The following PANK2 variants were observed in gnomAD, a reference collection of about 807,000 sequenced individuals.
PANK2 encodes pantothenate kinase 2, mitochondrial.
A neutral mutation model predicts 43.1 loss-of-function variants in PANK2; 36 were observed. That is an observed-to-expected ratio of 0.84 (90% CI 0.64 to 1.10). The LOEUF (loss-of-function observed/expected upper bound fraction) is 1.10. Ranked by LOEUF, PANK2 falls within the 50% of genes least tolerant of loss-of-function variation. The pLI is 0.00. For missense variants in PANK2, 576 were observed against 593.3 expected, an observed-to-expected ratio of 0.97 and a Z score of 0.30; for synonymous variants, 281 against 238.2, an observed-to-expected ratio of 1.18 and a Z score of -1.66.
intron 4 of PANK2, among the ~76,000 whole-genome samples, chr20:3,913,838 G>T (rs1447826068): frequency 2.7e-5 from 4 of 148,048 alleles, no homozygotes; most frequent in African/African-American, 1.0e-4. Context: ...GCCCAGGCTG[G>T]AGTGCAGTGG....
rs2090692394 is a variant in PANK2, at chr20:3,924,470, T to C, written c.*1176T>C. 6.6e-6 allele frequency: 1 copy of C among 152,426 alleles called. No homozygotes were observed. The allele number at this position is 152,426 out of a possible 1,614,324, so 9.4% of individuals were successfully genotyped here. A position where few individuals can be genotyped will look rare whatever the true frequency, so the allele number is the denominator to read the frequency against. The stretch of plus-strand genomic sequence containing the variant: ...CATGGAGGCAGCAGAGACACCCGTG[T>C]TCCAGCTGGGGCAAGGGGAACTGAT... On this transcript the variant is annotated 3_prime_UTR_variant, in exon 7 of 7. Transcript: ENST00000610179.
upstream of PANK2, chr20:3,889,161 T>G (rs764119764): frequency 1.9e-6 from 3 of 1,598,284 alleles, no homozygotes; most frequent in Non-Finnish European, 1.7e-6. Context: ...ATCACTCTCT[T>G]CTGGGCTACA....
chr20:3,892,230 G>A (rs758007395), intron 1 of PANK2, among the ~76,000 whole-genome samples: 3 of 152,050 alleles, frequency 2.0e-5, no homozygotes, highest in Non-Finnish European at 4.4e-5. Context: ...TGTAATCCCA[G>A]CTACTCAGGA....
At chr20:3,920,045 TTC>T (rs2090622971) in intron 6 of PANK2, among the ~76,000 whole-genome samples, 1 of 152,224 alleles carries the variant, frequency 6.6e-6, no homozygotes, top group Non-Finnish European at 1.5e-5. Flanking sequence ...GCCATTAAGT[TTC>T]TTACAGTTCA....
chr20:3,927,860 T>G lies in PANK2; in HGVS notation c.*4566T>G, dbSNP rs1346134620. Reference sequence around the variant, plus strand: ...AAGTCTGCTGACACTGGTGGGGCCCTTACAGTCACAGAAGTAAGGACTGGA... The same window carrying G: ...AAGTCTGCTGACACTGGTGGGGCCCGTACAGTCACAGAAGTAAGGACTGGA... On this transcript the variant is annotated 3_prime_UTR_variant, in exon 7 of 7. Transcript: ENST00000610179. 2 of 152,214 alleles carry G rather than the reference T, an allele frequency of 1.3e-5. No homozygotes were observed. The highest frequency in any genetic ancestry group is 2.9e-5 in the Non-Finnish European group (2 of 68,056). 9.4% of individuals were successfully genotyped at this position (152,214 alleles called of 1,614,324 possible).
At chr20:3,909,657 T>G (rs1269465121) in intron 2 of PANK2, among the ~76,000 whole-genome samples, 1 of 152,086 alleles carries the variant, frequency 6.6e-6, no homozygotes, top group Non-Finnish European at 1.5e-5. Flanking sequence ...TGGTGCCATC[T>G]CAGCTCACTG....
Position 3,916,940 on chromosome 20 carries a change from A to G in PANK2, c.1096A>G (p.Met366Val), listed in dbSNP as rs564863300. The G allele has an allele frequency of 6.8e-6, 11 of 1,614,104 alleles. No individual in the cohort carries two copies. In the South Asian group the frequency reaches 9.9e-5, roughly 14 times the overall value. Residue 366 changes from methionine (M) to valine (V), a missense_variant, in exon 5 of 7, where the codon ATG becomes GTG. Met to Val is a conservative substitution (Grantham distance 21). Coordinates refer to ENST00000610179, the MANE Select transcript of PANK2 (RefSeq NM_001386393.1). ...CCCCCATCACAGCTTTGGAAACATG[A>G]TGAGCAAGGAGAAGCGAGAGGCTGT...
At chr20:3,919,047 C>G (rs2090607729) in intron 6 of PANK2, among the ~76,000 whole-genome samples, 1 of 152,166 alleles carries the variant, frequency 6.6e-6, no homozygotes, top group African/African-American at 2.4e-5. Flanking sequence ...GCTGGGATTA[C>G]AAGTGTGCGC....
upstream of PANK2, chr20:3,888,957 G>GT: frequency 1.7e-6 from 1 of 581,922 alleles, no homozygotes; most frequent in Non-Finnish European, 2.8e-6. Flanking sequence ...GCCAGACGCT[G>GT]CGGGAGCACT....
intron 2 of PANK2, among the ~76,000 whole-genome samples, chr20:3,909,581 A>G (rs772033465): frequency 4.6e-5 from 7 of 151,946 alleles, no homozygotes; most frequent in Non-Finnish European, 1.0e-4. Context: ...CAGAACATAA[A>G]GATCCTCTTC....
At chr20:3,913,996 G>A (rs6107371) in intron 4 of PANK2, among the ~76,000 whole-genome samples, 97,563 of 151,176 alleles carry the variant, frequency 0.65, 32,139 homozygotes, top group African/African-American at 0.79. Context: ...TCACTATGTT[G>A]GCCAGGATGG....
chr20:3,898,365 A>C (rs2090245014), intron 1 of PANK2, among the ~76,000 whole-genome samples: 1 of 151,862 alleles, frequency 6.6e-6, no homozygotes, highest in Non-Finnish European at 1.5e-5. Flanking sequence ...ATGCCTGACT[A>C]ATTTTTGTAT....
Position 3,923,525 on chromosome 20 carries a change from G to GT in PANK2, c.*232dup. The GT allele has an allele frequency of 1.7e-6, 1 of 581,106 alleles. No individual in the cohort carries two copies. The highest frequency in any genetic ancestry group is 3.1e-6 in the Non-Finnish European group (1 of 327,322). The allele number at this position is 581,106 out of a possible 1,614,324, so 36.0% of individuals were successfully genotyped here. A position where few individuals can be genotyped will look rare whatever the true frequency, so the allele number is the denominator to read the frequency against. On this transcript the variant is annotated 3_prime_UTR_variant, in exon 7 of 7. Transcript: ENST00000610179. Reference sequence around the variant, plus strand: ...AAAAAGTGGCACATGTCCAGGCAGTGTGAGGATTTGCTGTATATAAGTTGC... The same window carrying GT: ...AAAAAGTGGCACATGTCCAGGCAGTGTTGAGGATTTGCTGTATATAAGTTGC...
chr20:3,918,651 C>T lies in PANK2; in HGVS notation c.1207-20C>T, dbSNP rs922606230. The T allele has an allele frequency of 5.6e-6, 9 of 1,613,966 alleles. No individual in the cohort carries two copies. In the East Asian group the frequency reaches 6.7e-5, roughly 12 times the overall value. On this transcript the variant is annotated intron_variant, in intron 5 of 6. Transcript: ENST00000610179. The stretch of plus-strand genomic sequence containing the variant: ...TAGAAATTAAGATGAAAACTAATTG[C>T]CTTTTTTTGGTGTGCTCAGAACATT...
Position 3,926,261 on chromosome 20 carries a change from A to G in PANK2, c.*2967A>G, listed in dbSNP as rs2090718192. 1 of 152,278 alleles carries G rather than the reference A, an allele frequency of 6.6e-6. No homozygotes were observed. Among genetic ancestry groups the G allele is most frequent in the Non-Finnish European group, 1.5e-5 (1 of 68,082 alleles). 9.4% of individuals were successfully genotyped at this position (152,278 alleles called of 1,614,324 possible). ...TGATATGCATGTAGGTGGGCAAAGCAAGGGGGATTTCATGAGTTCTAAGGT... is the reference window on the plus strand; with the variant it reads ...TGATATGCATGTAGGTGGGCAAAGCGAGGGGGATTTCATGAGTTCTAAGGT... On this transcript the variant is annotated 3_prime_UTR_variant, in exon 7 of 7. Transcript: ENST00000610179.
At chr20:3,893,202 T>C (rs1017888732) in intron 1 of PANK2, among the ~76,000 whole-genome samples, 1 of 152,024 alleles carries the variant, frequency 6.6e-6, no homozygotes, top group Non-Finnish European at 1.5e-5. Context: ...GGCCATATAG[T>C]GAGTTAGTGA....
In PANK2 at chr20:3,928,111, G is replaced by A. The variant is rs942270813; in HGVS notation, c.*4817G>A. On this transcript the variant is annotated 3_prime_UTR_variant, in exon 7 of 7. Coordinates refer to ENST00000610179, the MANE Select transcript of PANK2 (RefSeq NM_001386393.1). ...ACCAGCATTTTCCAGTTATCAACTG[G>A]ATATTTAGGCATGAATCTGGACATG... 14 of 152,104 alleles carry A rather than the reference G, an allele frequency of 9.2e-5. No individual in the cohort carries two copies. Among genetic ancestry groups the A allele is most frequent in the African/African-American group, 2.4e-4 (10 of 41,408 alleles). 9.4% of individuals were successfully genotyped at this position (152,104 alleles called of 1,614,324 possible). A position where few individuals can be genotyped will look rare whatever the true frequency, so the allele number is the denominator to read the frequency against.
In PANK2 at chr20:3,923,381, CTG is replaced by C. The variant is rs1446855100; in HGVS notation, c.*89_*90del. 4 of 1,326,066 alleles carry C rather than the reference CTG, an allele frequency of 3.0e-6. No individual in the cohort carries two copies. The highest frequency in any genetic ancestry group is 4.4e-6 in the Non-Finnish European group (4 of 919,082). The allele number at this position is 1,326,066 out of a possible 1,614,324, so 82.1% of individuals were successfully genotyped here. A position where few individuals can be genotyped will look rare whatever the true frequency, so the allele number is the denominator to read the frequency against. On this transcript the variant is annotated 3_prime_UTR_variant, in exon 7 of 7. Transcript: ENST00000610179. ...TTAAGAGACTTACTCAATTTCATGA[CTG>C]TACTACCTGAAACAAAGTGAGAAAG... is the stretch of plus-strand genomic sequence containing the variant.
rs763496520 is a variant in PANK2 at position 3,912,577 on chromosome 20, A to G, written c.1025A>G (p.Asp342Gly). 4 of 1,614,070 alleles carry G rather than the reference A, an allele frequency of 2.5e-6. No homozygotes were observed. The highest frequency in any genetic ancestry group is 4.5e-5 in the East Asian group (2 of 44,880). The change falls in exon 4 of 7, where the codon GAT (aspartate) becomes GGT (glycine). Residue 342 changes from aspartate (D) to glycine (G), a missense_variant. By Grantham distance (94) the Asp-to-Gly change is moderately conservative (BLOSUM62 -1). Around this residue, in one of 2 missense-constraint regions of PANK2, gnomAD observed 544 missense variants for 528.9 expected, o/e 1.03. Transcript: ENST00000610179. Reference sequence around the variant, plus strand: ...ACCAAAGTGGATAAACTAGTACGAGATATTTATGGAGGGGACTATGAGAGG... The same window carrying G: ...ACCAAAGTGGATAAACTAGTACGAGGTATTTATGGAGGGGACTATGAGAGG...
Sources: gnomAD v4.1 joint callset for allele counts (sites outside exome capture counted in the v4.1 genomes callset) on GRCh38, gnomAD v4.1.1 for gene constraint, gnomAD v4.1.1 regional missense constraint, MANE v1.5 for transcripts, NCBI Gene and HGNC (gene_info 2026-07-23, HGNC 2026-07-21) for gene names.